Variants in ZNF44 observed in about 807,000 individuals in gnomAD.
ZNF44 encodes zinc finger protein 44, also known as gonadotropin inducible transcription repressor-2.
In ZNF44, 9 loss-of-function variants were observed where a neutral mutation model predicts 11.7. That is an observed-to-expected ratio of 0.77 (90% CI 0.46 to 1.35). The LOEUF (loss-of-function observed/expected upper bound fraction) is 1.35. Ranked by LOEUF, ZNF44 falls within the 40% of genes most tolerant of loss-of-function variation. The pLI, the probability that ZNF44 is intolerant of heterozygous loss-of-function variation, is 0.00. For missense variants in ZNF44, 696 were observed against 743.1 expected (o/e 0.94, Z 0.74); for synonymous variants, 224 against 242.7 (o/e 0.92, Z 0.72).
chr19:12,243,574 TAA>T (rs1286102082), downstream of ZNF44, among the ~76,000 whole-genome samples: 1 of 152,222 alleles, frequency 6.6e-6, no homozygotes, highest in South Asian at 2.1e-4. Flanking sequence ...TAATGGATGC[TAA>T]GTTTGTTTCC....
chr19:12,240,036 A>C (rs182414979), upstream of ZNF44, among the ~76,000 whole-genome samples: 30 of 152,200 alleles, frequency 2.0e-4, no homozygotes, highest in Non-Finnish European at 3.8e-4. Context: ...AGAACAGACA[A>C]ATAAATCGCA....
chr19:12,229,539 T>C (rs182147068), intron 3 of ZNF44, among the ~76,000 whole-genome samples: 2 of 152,120 alleles, frequency 1.3e-5, no homozygotes, highest in African/African-American at 4.8e-5. Flanking sequence ...ACAAGATCTA[T>C]GAAGAGAAGC....
chr19:12,268,153 C>G (rs896497914), downstream of ZNF44, among the ~76,000 whole-genome samples: 1 of 138,368 alleles, frequency 7.2e-6, no homozygotes, highest in South Asian at 2.3e-4. Flanking sequence ...CAGACACACA[C>G]ACACACACAC....
intron 1 of ZNF44, chr19:12,285,149 G>A: frequency 3.4e-6 from 2 of 587,256 alleles, no homozygotes; most frequent in Non-Finnish European, 6.1e-6. Context: ...GAGTCTCTGT[G>A]CAGAGGACCC....
At chr19:12,268,701 G>C (rs1917831818), downstream of ZNF44, among the ~76,000 whole-genome samples, 1 of 151,178 alleles carries the variant, frequency 6.6e-6, no homozygotes. Context: ...CTCCCACCCA[G>C]TAACTGGGAC....
At chr19:12,236,703 A>C (rs1284983437) in intron 1 of ZNF44, among the ~76,000 whole-genome samples, 2 of 152,192 alleles carry the variant, frequency 1.3e-5, no homozygotes, top group African/African-American at 4.8e-5. Context: ...TGTACTGGTT[A>C]ACCTTTCATA....
At chr19:12,249,370 G>A (rs1391337258) in intron 7 of ZNF44, among the ~76,000 whole-genome samples, 2 of 151,026 alleles carry the variant, frequency 1.3e-5, no homozygotes, top group African/African-American at 4.8e-5. Flanking sequence ...GCCGGGCGTG[G>A]TGGTGGGCGC....
chr19:12,226,032 CAT>C (rs1349307195), downstream of ZNF44: 3 of 152,254 alleles, frequency 2.0e-5, no homozygotes, highest in Non-Finnish European at 2.9e-5. Flanking sequence ...GATTTAACAA[CAT>C]GTGTGCTATC....
chr19:12,244,936 C>T (rs989342153), downstream of ZNF44, among the ~76,000 whole-genome samples: 9 of 152,142 alleles, frequency 5.9e-5, no homozygotes, highest in African/African-American at 2.2e-4. Flanking sequence ...GATAACCCTC[C>T]GTCATTGATG....
downstream of ZNF44, among the ~76,000 whole-genome samples, chr19:12,271,263 G>C (rs533745617): frequency 6.6e-6 from 1 of 152,086 alleles, no homozygotes; most frequent in Non-Finnish European, 1.5e-5. Context: ...TGAACACTAA[G>C]GTTTTTTTAG....
chr19:12,290,412 C>G (rs1967958770), intron 1 of ZNF44, among the ~76,000 whole-genome samples: 2 of 136,314 alleles, frequency 1.5e-5, no homozygotes, highest in East Asian at 4.5e-4. Context: ...AAAAAAAAGG[C>G]TCCTCCCAGG....
chr19:12,283,754 T>C (rs1189341415), intron 1 of ZNF44, among the ~76,000 whole-genome samples: 1 of 152,094 alleles, frequency 6.6e-6, no homozygotes, highest in African/African-American at 2.4e-5. Flanking sequence ...GTGACTCACA[T>C]CTATAATCCC....
intron 5 of ZNF44, among the ~76,000 whole-genome samples, chr19:12,254,816 T>C (rs958339185): frequency 6.6e-6 from 1 of 152,156 alleles, no homozygotes; most frequent in African/African-American, 2.4e-5. Context: ...CTAGGCGTGG[T>C]GGCTCACGCC....
chr19:12,289,677 T>C (rs1967920963), intron 1 of ZNF44, among the ~76,000 whole-genome samples: 1 of 148,932 alleles, frequency 6.7e-6, no homozygotes, highest in South Asian at 2.2e-4. Context: ...TGGAGTCTTG[T>C]TCTGTCGCCC....
chr19:12,235,391 A>G (rs1916344733), intron 1 of ZNF44, among the ~76,000 whole-genome samples: 1 of 152,054 alleles, frequency 6.6e-6, no homozygotes, highest in Admixed American at 6.6e-5. Context: ...ACAAAACAAA[A>G]CAAAAAAACC....
exon 4 of ZNF44, chr19:12,226,514 T>C (rs1394805598): frequency 6.6e-6 from 1 of 152,232 alleles, no homozygotes; most frequent in African/African-American, 2.4e-5. Context: ...ATAACCAGTT[T>C]TCCCAATTGT....
chr19:12,286,312 T>C (rs142983495), intron 1 of ZNF44, among the ~76,000 whole-genome samples: 12 of 152,144 alleles, frequency 7.9e-5, no homozygotes, highest in African/African-American at 2.2e-4. Flanking sequence ...TTCTCATGCA[T>C]GAGAATCATC....
intron 5 of ZNF44, among the ~76,000 whole-genome samples, chr19:12,263,539 G>A (rs905534568): frequency 1.3e-5 from 2 of 152,146 alleles, no homozygotes; most frequent in Non-Finnish European, 2.9e-5. Context: ...GCACCTGGCA[G>A]GCCAAGATGG....
intron 2 of ZNF44, among the ~76,000 whole-genome samples, chr19:12,234,282 T>A (rs1226936684): frequency 6.6e-6 from 1 of 152,208 alleles, no homozygotes; most frequent in East Asian, 1.9e-4. Flanking sequence ...CTGTGAAGTA[T>A]GTTATAAATA....
Sources: gnomAD v4.1 joint callset for allele counts (sites outside exome capture counted in the v4.1 genomes callset) on GRCh38, gnomAD v4.1.1 for gene constraint, MANE v1.5 for transcripts, NCBI Gene and HGNC (gene_info 2026-07-23, HGNC 2026-07-21) for gene names.